Variants in SALL4 observed in about 807,000 individuals in gnomAD.
SALL4 encodes the protein spalt like transcription factor 4.
In SALL4, 4 loss-of-function variants were observed where a neutral mutation model predicts 60.8. The observed-to-expected ratio is 0.07, with a 90% CI of 0.03 to 0.15. The LOEUF (loss-of-function observed/expected upper bound fraction) is 0.15. Among genes scored for constraint, SALL4 ranks in the 10% least tolerant of loss-of-function variants. SALL4 has a pLI of 1.00. For missense variants in SALL4, 1,178 were observed against 1,394.7 expected (o/e 0.84, Z 2.48); for synonymous variants, 580 against 574.9 (o/e 1.01, Z -0.13).
At chr20:51,795,000 G>A (rs2078071178) in intron 1 of SALL4, among the ~76,000 whole-genome samples, 1 of 152,128 alleles carries the variant, frequency 6.6e-6, no homozygotes, top group African/African-American at 2.4e-5. Context: ...ACCCATTCCT[G>A]TCTCATTTCT....
chr20:51,791,979 T>A lies in SALL4; in HGVS notation c.504A>T (p.Ile168=). The part of the protein sequence containing the change: ...ETALPPTPQD[I]SYLAKGKVAN... ...CCACTTTGCCTTTGGCTAAATAGCT[T>A]ATGTCCTGGGGGGTGGGTGGCAGGG... Residue 168 remains isoleucine, a synonymous_variant, in exon 2 of 4, where the codon ATA becomes ATT. Coordinates refer to ENST00000217086, the MANE Select transcript of SALL4 (RefSeq NM_020436.5). The surrounding 1 kb of genome is among the most constrained non-coding windows in gnomAD (Gnocchi z 4.6). 6.2e-7 allele frequency: 1 copy of A among 1,614,132 alleles called. No individual in the cohort carries two copies. The highest frequency in any genetic ancestry group is 2.2e-5 in the East Asian group (1 of 44,850).
In SALL4 at chr20:51,786,089, G is replaced by GTTTTT. The variant is rs763670225; in HGVS notation, c.2743-1410_2743-1406dup. On this transcript the variant is annotated intron_variant, in intron 3 of 3. Coordinates refer to ENST00000217086, the MANE Select transcript of SALL4 (RefSeq NM_020436.5). The stretch of plus-strand genomic sequence containing the variant: ...TGCACACCACCATGCCCAGCTAATT[G>GTTTTT]TTTTTTTTTTTTTTTGAGACAGAGT... 6.3e-5 allele frequency among the ~76,000 whole-genome samples: 8 copies of GTTTTT among 127,340 alleles called. 1 individual carries two copies. Among genetic ancestry groups the GTTTTT allele is most frequent in the Non-Finnish European group, 1.3e-4 (8 of 62,222 alleles). 83.5% of individuals were successfully genotyped at this position (127,340 alleles called of 152,430 possible).
rs780064396 is a variant in SALL4 at position 51,789,034 on chromosome 20, G to C, written c.2569C>G (p.Pro857Ala). 1 of 1,614,224 alleles carries C rather than the reference G, an allele frequency of 6.2e-7. No individual in the cohort carries two copies. The highest frequency in any genetic ancestry group is 1.7e-5 in the Admixed American group (1 of 60,020). ...GPSTLSPGMT[P>A]LLAAQPRRQA... ...CGGCGTGGCTGGGCTGCTAACAAAG[G>C]GGTCATCCCTGGGGACAATGTCGAG... Residue 857 changes from proline (P) to alanine (A), a missense_variant, in exon 3 of 4, where the codon CCT (proline) becomes GCT (alanine). Physicochemically the swap from Pro to Ala is conservative, Grantham distance 27. This residue lies in a region of SALL4 where 853 missense variants were observed against 1,036.8 expected (regional missense o/e 0.82). Coordinates refer to ENST00000217086, the MANE Select transcript of SALL4 (RefSeq NM_020436.5).
rs1457385027 is a variant in SALL4 at position 51,801,926 on chromosome 20, G to GC, written c.130+352_130+353insG. Reference sequence around the variant, plus strand: ...AGGGGGACCTAAGTTACAAGGGGGGGGGGTAACACCAGTGAGGGGAGTGGA... The same window carrying GC: ...AGGGGGACCTAAGTTACAAGGGGGGGCGGGTAACACCAGTGAGGGGAGTGGA... On this transcript the variant is annotated intron_variant, in intron 1 of 3. Transcript: ENST00000217086. The surrounding 1 kb of genome is among the most constrained non-coding windows in gnomAD (Gnocchi z 5.2). Among the ~76,000 whole-genome samples, 3 of 151,696 alleles carry GC rather than the reference G, an allele frequency of 2.0e-5. No individual in the cohort carries two copies. Among genetic ancestry groups the GC allele is most frequent in the Non-Finnish European group, 4.4e-5 (3 of 67,904 alleles).
In SALL4 at chr20:51,791,096, C is replaced by T. The variant is rs770056012; in HGVS notation, c.1387G>A (p.Asp463Asn). 3 of 1,614,162 alleles carry T rather than the reference C, an allele frequency of 1.9e-6. No individual in the cohort carries two copies. The highest frequency in any genetic ancestry group is 2.5e-6 in the Non-Finnish European group (3 of 1,180,036). The change falls in exon 2 of 4, where the codon GAC becomes AAC. Residue 463 changes from aspartate to asparagine, a missense_variant. Coordinates refer to ENST00000217086, the MANE Select transcript of SALL4 (RefSeq NM_020436.5). This position sits in a 1 kb window ranked among gnomAD's most constrained non-coding sequence, Gnocchi z 4.6. ...NGIPYALSVPDPIDEPSLSLD... is the reference protein window; with the variant it reads ...NGIPYALSVPNPIDEPSLSLD... ...GAAAGACTCGGTTCATCTATGGGGT[C>T]AGGTACAGAGAGTGCATAGGGGATG...
In SALL4 at chr20:51,791,627, G is replaced by A; in HGVS notation, c.856C>T (p.Leu286=). 6.2e-7 allele frequency: 1 copy of A among 1,613,946 alleles called. No homozygotes were observed. Among genetic ancestry groups the A allele is most frequent in the African/African-American group, 1.3e-5 (1 of 75,084 alleles). The change falls in exon 2 of 4, where the codon CTG becomes TTG. Residue 286 remains leucine (L), a synonymous_variant. Transcript: ENST00000217086. The surrounding 1 kb of genome is among the most constrained non-coding windows in gnomAD (Gnocchi z 4.6). ...SQKAGSQGLS[L]DALKQAKLPH... The stretch of plus-strand genomic sequence containing the variant: ...AGCTTGGCTTGTTTCAAGGCATCCA[G>A]AGACAGACCTTGGCTTCCAGCTTTC...
rs1209705399 is a variant in SALL4, at chr20:51,791,527, C to T, written c.956G>A (p.Gly319Glu). The change falls in exon 2 of 4, where the codon GGG (glycine) becomes GAG (glutamate). Residue 319 changes from glycine (G) to glutamate (E), a missense_variant. Gly to Glu is a moderately conservative substitution (Grantham distance 98). Transcript: ENST00000217086. The surrounding 1 kb of genome is among the most constrained non-coding windows in gnomAD (Gnocchi z 4.6). ...GLAPFTLKPD[G>E]TRVLPNVMSR... Reference sequence around the variant, plus strand: ...CATGACGTTCGGGAGCACCCGGGTCCCATCCGGCTTCAGAGTGAAGGGTGC... The same window carrying T: ...CATGACGTTCGGGAGCACCCGGGTCTCATCCGGCTTCAGAGTGAAGGGTGC... 1 of 1,613,962 alleles carries T rather than the reference C, an allele frequency of 6.2e-7. No individual in the cohort carries two copies. The highest frequency in any genetic ancestry group is 8.5e-7 in the Non-Finnish European group (1 of 1,180,044).
chr20:51,794,493 G>A (rs1411779300), intron 1 of SALL4, among the ~76,000 whole-genome samples: 2 of 152,144 alleles, frequency 1.3e-5, no homozygotes, highest in Non-Finnish European at 2.9e-5. Flanking sequence ...GGAGGTTGCA[G>A]TGAACTGAGA....
Position 51,792,077 on chromosome 20 carries a change from T to G in SALL4, c.406A>C (p.Asn136His). ...SPGSKDCHRE[N>H]GGSSEDMKEK... ...TTCATGTCCTCTGAGCTGCCGCCAT[T>G]CTCCCTGTGACAGTCCTTACTGCCG... is the stretch of plus-strand genomic sequence containing the variant. Residue 136 changes from asparagine to histidine, a missense_variant, in exon 2 of 4, where the codon AAT (asparagine) becomes CAT (histidine). This residue lies in a region of SALL4 where 853 missense variants were observed against 1,036.8 expected (regional missense o/e 0.82). Coordinates refer to ENST00000217086, the MANE Select transcript of SALL4 (RefSeq NM_020436.5). The G allele has an allele frequency of 6.2e-7, 1 of 1,614,112 alleles. No individual in the cohort carries two copies. The highest frequency in any genetic ancestry group is 8.5e-7 in the Non-Finnish European group (1 of 1,180,014).
chr20:51,797,405 A>T (rs1397942826), intron 1 of SALL4: 1 of 152,126 alleles, frequency 6.6e-6, no homozygotes. Flanking sequence ...CAGTTCCCAG[A>T]GTGATTTACA....
At chr20:51,785,908 C>T (rs1319759613) in intron 3 of SALL4, among the ~76,000 whole-genome samples, 2 of 151,868 alleles carry the variant, frequency 1.3e-5, no homozygotes, top group East Asian at 1.9e-4. Flanking sequence ...TCCCAAAGTG[C>T]TGGAATTACA....
chr20:51,787,066 G>C (rs552847995), intron 3 of SALL4, among the ~76,000 whole-genome samples: 1 of 152,136 alleles, frequency 6.6e-6, no homozygotes, highest in Admixed American at 6.6e-5. Flanking sequence ...CTGCACTCCA[G>C]CCTGGGCAAC....
intron 3 of SALL4, among the ~76,000 whole-genome samples, chr20:51,787,885 G>C (rs140547703): frequency 5.0e-4 from 76 of 152,228 alleles, no homozygotes; most frequent in African/African-American, 1.2e-3. Context: ...GCAGTGGTGT[G>C]ATCACAGCTC....
In SALL4 at chr20:51,790,410, G is replaced by A. The variant is rs1392193733; in HGVS notation, c.2073C>T (p.Ile691=). 9.9e-6 allele frequency: 16 copies of A among 1,613,966 alleles called. No homozygotes were observed. The highest frequency in any genetic ancestry group is 8.9e-5 in the East Asian group (4 of 44,888). ...CCTGGGAGCTGACTTCCTCTACATC[G>A]ATGCTTTCGATGACATCATCATGGC... ...AICHDDVIES[I]DVEEVSSQEA... Residue 691 remains isoleucine, a synonymous_variant, in exon 2 of 4, where the codon ATC becomes ATT. Transcript: ENST00000217086. The surrounding 1 kb of genome is among the most constrained non-coding windows in gnomAD (Gnocchi z 5.5).
At position 51,796,196 on chromosome 20, in the gene SALL4, C is replaced by CAA. The variant is rs11474910; in HGVS notation, c.131-3846_131-3845dup. ...CCTGGGCAACAGAACAAGACTGTCTCAAAAAAAAAAAAAAAAAGAAAGAAA... is the reference window on the plus strand; with the variant it reads ...CCTGGGCAACAGAACAAGACTGTCTCAAAAAAAAAAAAAAAAAAAGAAAGAAA... On this transcript the variant is annotated intron_variant, in intron 1 of 3. Transcript: ENST00000217086. 4.9e-3 allele frequency among the ~76,000 whole-genome samples: 440 copies of CAA among 90,506 alleles called. 7 individuals carry two copies. Among genetic ancestry groups the CAA allele is most frequent in the South Asian group, 0.012 (29 of 2,414 alleles). 59.4% of individuals were successfully genotyped at this position (90,506 alleles called of 152,430 possible). A position where few individuals can be genotyped will look rare whatever the true frequency, so the allele number is the denominator to read the frequency against.
At chr20:51,800,453 C>T (rs928708235) in intron 1 of SALL4, among the ~76,000 whole-genome samples, 1 of 152,230 alleles carries the variant, frequency 6.6e-6, no homozygotes, top group Non-Finnish European at 1.5e-5. Flanking sequence ...TTTAGCTCAG[C>T]TCAGGTTGAC....
In SALL4 at chr20:51,792,020, G is replaced by A. The variant is rs1213015484; in HGVS notation, c.463C>T (p.Leu155=). Reference sequence around the variant, plus strand: ...GGTGGCAGGGCTGTCTCTGTCTTTAGGTACACCACAGACTCCGCATCCGGC... The same window carrying A: ...GGTGGCAGGGCTGTCTCTGTCTTTAAGTACACCACAGACTCCGCATCCGGC... ...EKPDAESVVY[L]KTETALPPTP... The change falls in exon 2 of 4, where the codon CTA becomes TTA. Residue 155 remains leucine (L), a synonymous_variant. Transcript: ENST00000217086. 1 of 1,614,014 alleles carries A rather than the reference G, an allele frequency of 6.2e-7. No individual in the cohort carries two copies. Among genetic ancestry groups the A allele is most frequent in the African/African-American group, 1.3e-5 (1 of 74,910 alleles).
chr20:51,784,584 C>T lies in SALL4; in HGVS notation c.2843G>A (p.Arg948Lys). The T allele has an allele frequency of 1.2e-6, 2 of 1,614,164 alleles. No individual in the cohort carries two copies. The highest frequency in any genetic ancestry group is 1.7e-6 in the Non-Finnish European group (2 of 1,180,032). Reference protein sequence around the residue: ...TMALLGTDGKRVSEIFPKEIL... With the variant: ...TMALLGTDGKKVSEIFPKEIL... Reference sequence around the variant, plus strand: ...TTCCTTGGGAAAGATTTCTGAGACTCTTTTTCCGTCCGTACCTAACAGAGC... The same window carrying T: ...TTCCTTGGGAAAGATTTCTGAGACTTTTTTTCCGTCCGTACCTAACAGAGC... The change falls in exon 4 of 4, where the codon AGA (arginine) becomes AAA (lysine). Residue 948 changes from arginine to lysine, a missense_variant. Physicochemically the swap from Arg to Lys is conservative, Grantham distance 26. Transcript: ENST00000217086.
rs2078037074 is a variant in SALL4 at position 51,791,127 on chromosome 20, G to A, written c.1356C>T (p.Gly452=). The change falls in exon 2 of 4, where the codon GGC becomes GGT. Residue 452 remains glycine (G), a synonymous_variant. Coordinates refer to ENST00000217086, the MANE Select transcript of SALL4 (RefSeq NM_020436.5). The surrounding 1 kb of genome is among the most constrained non-coding windows in gnomAD (Gnocchi z 4.6). ...CAGAGAGTGCATAGGGGATGCCATT[G>A]CCGGCCGCCACTTTGTCCTGGAACT... The part of the protein sequence containing the change: ...FAEFQDKVAA[G]NGIPYALSVP... 1 of 1,614,146 alleles carries A rather than the reference G, an allele frequency of 6.2e-7. No homozygotes were observed. Among genetic ancestry groups the A allele is most frequent in the East Asian group, 2.2e-5 (1 of 44,876 alleles).
Sources: allele counts gnomAD v4.1 joint callset (sites outside exome capture counted in the v4.1 genomes callset), GRCh38; gene constraint gnomAD v4.1.1; regional missense constraint gnomAD v4.1.1; non-coding constraint Gnocchi (gnomAD v3.1); transcripts MANE v1.5; gene names NCBI Gene and HGNC (gene_info 2026-07-23, HGNC 2026-07-21).